The following DOCK1 variants were observed in gnomAD, a reference collection of about 807,000 sequenced individuals.
The protein encoded by DOCK1 is dedicator of cytokinesis 1.
DOCK1 carries 138 observed loss-of-function variants against 262.7 expected under a neutral mutation model. The ratio of observed to expected loss-of-function variants is 0.53; its 90% CI spans 0.46 to 0.61. DOCK1 has a LOEUF of 0.61. DOCK1 is among the 20% of genes least tolerant of loss of function. The pLI, the probability that DOCK1 is intolerant of heterozygous loss-of-function variation, is 0.00. For missense variants in DOCK1, 1,908 were observed against 2,370.7 expected (o/e 0.80, Z 4.05); for synonymous variants, 866 against 867.4 (o/e 1.00, Z 0.03).
chr10:126,990,838 C>T (rs2039737546), intron 6 of DOCK1, among the ~76,000 whole-genome samples: 1 of 152,174 alleles, frequency 6.6e-6, no homozygotes, highest in South Asian at 2.1e-4. Flanking sequence ...AGTCAAGAAG[C>T]CAGGGAGCCT....
chr10:127,057,140 G>A (rs1207424346), intron 22 of DOCK1, among the ~76,000 whole-genome samples: 1 of 152,204 alleles, frequency 6.6e-6, no homozygotes, highest in African/African-American at 2.4e-5. Context: ...TCCGTGACAA[G>A]CTCCAAATGA....
intron 1 of DOCK1, among the ~76,000 whole-genome samples, chr10:126,949,741 A>G (rs1276614561): frequency 6.6e-6 from 1 of 152,138 alleles, no homozygotes; most frequent in Admixed American, 6.5e-5. Flanking sequence ...ACTTTGTGAC[A>G]AGGTTTGCTT....
chr10:127,279,558 C>T (rs969307675), intron 29 of DOCK1, among the ~76,000 whole-genome samples: 1 of 152,208 alleles, frequency 6.6e-6, no homozygotes, highest in Non-Finnish European at 1.5e-5. Flanking sequence ...AATTGTAACC[C>T]TCTGCCGGTT....
At chr10:127,249,542 C>A (rs902002856) in intron 28 of DOCK1, among the ~76,000 whole-genome samples, 5 of 151,872 alleles carry the variant, frequency 3.3e-5, no homozygotes, top group Non-Finnish European at 7.4e-5. Flanking sequence ...TAGTGTGTAC[C>A]CTTACTTAAA....
chr10:127,014,864 G>T (rs1178692927), intron 12 of DOCK1: 1 of 152,306 alleles, frequency 6.6e-6, no homozygotes, highest in East Asian at 1.9e-4. Flanking sequence ...TACCTATTCT[G>T]CAGGTCTGGA....
chr10:127,208,322 A>G (rs1243532727), intron 27 of DOCK1, among the ~76,000 whole-genome samples: 1 of 152,214 alleles, frequency 6.6e-6, no homozygotes, highest in Non-Finnish European at 1.5e-5. Context: ...AGACTTGACA[A>G]GACAATCCTG....
intron 49 of DOCK1, among the ~76,000 whole-genome samples, chr10:127,440,446 G>A (rs985810347): frequency 2.0e-5 from 3 of 152,120 alleles, no homozygotes; most frequent in African/African-American, 7.2e-5. Context: ...GCTGTAGTGG[G>A]AAACAAAAAT....
In DOCK1 at chr10:127,437,470, A is replaced by G. The variant is rs2069769670; in HGVS notation, c.5061-1557A>G. 9.5e-6 allele frequency among the ~76,000 whole-genome samples: 1 copy of G among 105,144 alleles called. No individual in the cohort carries two copies. Among genetic ancestry groups the G allele is most frequent in the African/African-American group, 4.9e-5 (1 of 20,592 alleles). The allele number at this position is 105,144 out of a possible 152,430, so 69.0% of individuals were successfully genotyped here. A position where few individuals can be genotyped will look rare whatever the true frequency, so the allele number is the denominator to read the frequency against. ...ATCAATGGGGAGCAAGATTGCTGCAATGACCATCTTTTTTTTTTTTTTTTT... is the reference window on the plus strand; with the variant it reads ...ATCAATGGGGAGCAAGATTGCTGCAGTGACCATCTTTTTTTTTTTTTTTTT... On this transcript the variant is annotated intron_variant, in intron 48 of 51. Coordinates refer to ENST00000623213, the MANE Select transcript of DOCK1 (RefSeq NM_001290223.2). This position sits in a 1 kb window ranked among gnomAD's most constrained non-coding sequence, Gnocchi z 4.4.
At chr10:127,022,660 T>C (rs2042522087) in intron 13 of DOCK1, among the ~76,000 whole-genome samples, 1 of 152,220 alleles carries the variant, frequency 6.6e-6, no homozygotes, top group African/African-American at 2.4e-5. Flanking sequence ...CATCCCAAAG[T>C]GATGGGATCA....
In DOCK1 at chr10:127,012,175, C is replaced by T. The variant is rs1356637053; in HGVS notation, c.1059-57C>T. Reference sequence around the variant, plus strand: ...TCTTATGTTCCCTTGTTACCGTGGCCCATGGGTCTCTGTGCCCCTTTGTCT... The same window carrying T: ...TCTTATGTTCCCTTGTTACCGTGGCTCATGGGTCTCTGTGCCCCTTTGTCT... On this transcript the variant is annotated intron_variant, in intron 11 of 51. Transcript: ENST00000623213. The surrounding 1 kb of genome is among the most constrained non-coding windows in gnomAD (Gnocchi z 4.0). 1.1e-6 allele frequency: 1 copy of T among 897,780 alleles called. No homozygotes were observed. The highest frequency in any genetic ancestry group is 1.9e-6 in the Non-Finnish European group (1 of 538,296). The allele number at this position is 897,780 out of a possible 1,614,324, so 55.6% of individuals were successfully genotyped here. A position where few individuals can be genotyped will look rare whatever the true frequency, so the allele number is the denominator to read the frequency against.
intron 1 of DOCK1, among the ~76,000 whole-genome samples, chr10:126,949,597 A>C (rs1284428925): frequency 1.3e-5 from 2 of 152,076 alleles, no homozygotes; most frequent in Non-Finnish European, 1.5e-5. Flanking sequence ...CTGTGATGAG[A>C]GCATCGGGTG....
chr10:127,249,649 A>G (rs985218428), intron 28 of DOCK1, among the ~76,000 whole-genome samples: 6 of 152,220 alleles, frequency 3.9e-5, no homozygotes, highest in African/African-American at 1.4e-4. Context: ...ACTGAATACT[A>G]TAGGCAGTTG....
intron 1 of DOCK1, among the ~76,000 whole-genome samples, chr10:126,945,455 A>AAGAG (rs1261260472): frequency 4.7e-5 from 7 of 148,312 alleles, no homozygotes; most frequent in African/African-American, 1.7e-4. Flanking sequence ...GAGAAGGGGA[A>AAGAG]AGAGAGAGAG....
At chr10:127,206,947 T>C (rs964323033) in intron 27 of DOCK1, among the ~76,000 whole-genome samples, 15 of 152,202 alleles carry the variant, frequency 9.9e-5, no homozygotes, top group Non-Finnish European at 1.9e-4. Context: ...TCCAGCTCCC[T>C]GCTACTCCTA....
At chr10:127,276,608 G>A (rs2060751599) in intron 29 of DOCK1, among the ~76,000 whole-genome samples, 1 of 152,176 alleles carries the variant, frequency 6.6e-6, no homozygotes, top group Non-Finnish European at 1.5e-5. Context: ...GGCTCTAGCT[G>A]TGGGACGCTT....
chr10:127,259,808 A>G (rs76016261), intron 29 of DOCK1, among the ~76,000 whole-genome samples: 8 of 105,300 alleles, frequency 7.6e-5, no homozygotes, highest in African/African-American at 2.7e-4. Flanking sequence ...TTTTTTTTTT[A>G]TAATTGAGAG....
intron 27 of DOCK1, among the ~76,000 whole-genome samples, chr10:127,171,423 T>G (rs2054559293): frequency 6.6e-6 from 1 of 152,180 alleles, no homozygotes; most frequent in Non-Finnish European, 1.5e-5. Flanking sequence ...AATACTGGCT[T>G]CCCAAGGAGC....
chr10:127,129,130 A>G (rs115317210), intron 27 of DOCK1, among the ~76,000 whole-genome samples: 2,681 of 152,288 alleles, frequency 0.018, 84 homozygotes, highest in African/African-American at 0.059. Context: ...GTGTCACCAC[A>G]GAGGACTCCG....
At position 127,013,116 on chromosome 10, in the gene DOCK1, C is replaced by A. The variant is rs562170939; in HGVS notation, c.1201+742C>A. 7.9e-5 allele frequency among the ~76,000 whole-genome samples: 12 copies of A among 152,280 alleles called. 1 individual carries two copies. The highest frequency in any genetic ancestry group is 2.6e-4 in the African/African-American group (11 of 41,556). ...ATTATCTTGATTCATTTCCACTGTT[C>A]TAAAGGAGAATGTGAATTGAGCCTG... On this transcript the variant is annotated intron_variant, in intron 12 of 51. Transcript: ENST00000623213.
Sources: allele counts gnomAD v4.1 joint callset (sites outside exome capture counted in the v4.1 genomes callset), GRCh38; gene constraint gnomAD v4.1.1; non-coding constraint Gnocchi (gnomAD v3.1); transcripts MANE v1.5; gene names NCBI Gene and HGNC (gene_info 2026-07-23, HGNC 2026-07-21).